The following MED12L variants were observed in gnomAD, a reference collection of about 807,000 sequenced individuals.
The protein encoded by MED12L is mediator complex subunit 12L.
In MED12L, 60 loss-of-function variants were observed where a neutral mutation model predicts 281.3. The ratio of observed to expected loss-of-function variants is 0.21; its 90% CI spans 0.17 to 0.26. The LOEUF is 0.26. Among genes scored for constraint, MED12L ranks in the 10% least tolerant of loss-of-function variants. The pLI is 1.00. For missense variants in MED12L, 2,146 were observed against 2,680.9 expected (o/e 0.80, Z 4.41); for synonymous variants, 974 against 987.2 (o/e 0.99, Z 0.25).
chr3:151,193,977 T>TTC (rs1724310045), intron 16 of MED12L, among the ~76,000 whole-genome samples: 1 of 150,046 alleles, frequency 6.7e-6, no homozygotes. Context: ...TTTTTTTTTT[T>TTC]TTTTTGAGAC....
intron 2 of MED12L, among the ~76,000 whole-genome samples, chr3:151,113,168 C>T (rs1249055385): frequency 6.6e-6 from 1 of 152,140 alleles, no homozygotes; most frequent in Non-Finnish European, 1.5e-5. Flanking sequence ...TCACATTTCT[C>T]ATTGAGAATG....
intron 7 of MED12L, 44 bp from the exon 8 acceptor site, chr3:151,159,788 A>T: frequency 6.5e-7 from 1 of 1,549,824 alleles, no homozygotes. Flanking sequence ...TTTAACCAAG[A>T]CGCATAAGAC....
Position 151,122,993 on chromosome 3 carries a change from A to G in MED12L, c.396+19A>G, listed in dbSNP as rs569171023. 3.3e-5 allele frequency: 51 copies of G among 1,566,920 alleles called. 3 individuals carry two copies. The highest frequency in any genetic ancestry group is 2.6e-4 in the Admixed American group (15 of 56,642). The stretch of plus-strand genomic sequence containing the variant: ...AAAAAAGGTATCAAATATTTCTTAC[A>G]TTGTTTTAGTTATGGTCTTATAATC... On this transcript the variant is annotated intron_variant, in intron 4 of 44. Coordinates refer to ENST00000687756, the MANE Select transcript of MED12L (RefSeq NM_001393769.1).
intron 39 of MED12L, among the ~76,000 whole-genome samples, chr3:151,396,469 T>C (rs1188925134): frequency 6.6e-6 from 1 of 151,998 alleles, no homozygotes; most frequent in Non-Finnish European, 1.5e-5. Flanking sequence ...CTCTACTAAA[T>C]ACAAAAATTA....
chr3:151,181,965 A>G (rs989414440), intron 11 of MED12L, among the ~76,000 whole-genome samples: 13 of 152,158 alleles, frequency 8.5e-5, no homozygotes, highest in African/African-American at 2.4e-5. Context: ...TTGCAATAAT[A>G]ACTCAGTGGA....
At chr3:151,333,411 T>C (rs1750572835) in intron 16 of MED12L, among the ~76,000 whole-genome samples, 1 of 152,196 alleles carries the variant, frequency 6.6e-6, no homozygotes, top group Non-Finnish European at 1.5e-5. Flanking sequence ...GTATCTGTTA[T>C]TTTTTGACTT....
chr3:151,151,257 T>G (rs1229863359), intron 5 of MED12L, among the ~76,000 whole-genome samples: 1 of 151,804 alleles, frequency 6.6e-6, no homozygotes, highest in East Asian at 1.9e-4. Flanking sequence ...CAGGATGGTC[T>G]CCATCTCCTG....
intron 13 of MED12L, 47 bp downstream of exon 13, chr3:151,188,527 ATT>A: frequency 6.9e-7 from 1 of 1,445,128 alleles, no homozygotes; most frequent in Non-Finnish European, 9.3e-7. Context: ...TAAGGGATTG[ATT>A]TTTTTTTTCT....
intron 19 of MED12L, 93 bp downstream of exon 19, chr3:151,356,132 G>T (rs1753886669): frequency 1.5e-6 from 2 of 1,310,400 alleles, no homozygotes; most frequent in South Asian, 3.0e-5. Context: ...GGGCACAGTG[G>T]CTTGTGCTTG....
intron 5 of MED12L, among the ~76,000 whole-genome samples, chr3:151,141,004 A>G (rs1338097055): frequency 6.6e-6 from 1 of 151,856 alleles, no homozygotes; most frequent in African/African-American, 2.4e-5. Context: ...AGTAGCTGGG[A>G]CTACAGGCAC....
At chr3:151,195,336 T>C (rs1441077336) in intron 16 of MED12L, among the ~76,000 whole-genome samples, 1 of 152,162 alleles carries the variant, frequency 6.6e-6, no homozygotes, top group Non-Finnish European at 1.5e-5. Flanking sequence ...ATTTTTTTCT[T>C]ATTACAGTTA....
intron 16 of MED12L, among the ~76,000 whole-genome samples, chr3:151,225,593 C>A (rs7649855): frequency 0.02 from 3,076 of 152,124 alleles, 88 homozygotes; most frequent in African/African-American, 0.07. Context: ...AATTTTGAAA[C>A]GGACACTCAA....
chr3:151,156,037 T>A, intron 5 of MED12L, 124 bp from the exon 6 acceptor site: 1 of 815,932 alleles, frequency 1.2e-6, no homozygotes, highest in East Asian at 2.9e-5. Context: ...GCACAGATCA[T>A]TTTTAGGGAG....
At chr3:151,198,562 C>T (rs139669117) in intron 16 of MED12L, 4 of 1,614,130 alleles carry the variant, frequency 2.5e-6, no homozygotes, top group Non-Finnish European at 3.4e-6. Context: ...ACAGGTTCGA[C>T]ACAGCCAGGA....
chr3:151,346,897 T>C (rs1284424006), intron 16 of MED12L, among the ~76,000 whole-genome samples: 1 of 152,166 alleles, frequency 6.6e-6, no homozygotes. Context: ...AATTCAAAAG[T>C]TCCCTGCTGT....
intron 2 of MED12L, among the ~76,000 whole-genome samples, chr3:151,091,100 A>C (rs1034750514): frequency 2.6e-5 from 4 of 152,300 alleles, no homozygotes; most frequent in African/African-American, 9.6e-5. Flanking sequence ...AAACATTTGA[A>C]GAGTAAATAT....
At chr3:151,331,081 G>T (rs1018888014) in intron 16 of MED12L, among the ~76,000 whole-genome samples, 2 of 152,304 alleles carry the variant, frequency 1.3e-5, no homozygotes, top group Non-Finnish European at 1.5e-5. Context: ...TCAAAACACT[G>T]AAGTGTGGGA....
At chr3:151,407,357 T>C (rs1716443878) in intron 39 of MED12L, among the ~76,000 whole-genome samples, 1 of 152,246 alleles carries the variant, frequency 6.6e-6, no homozygotes, top group African/African-American at 2.4e-5. Flanking sequence ...ACGAGTGTTA[T>C]AAACTACCTA....
At chr3:151,112,302 A>G (rs755438681) in intron 2 of MED12L, among the ~76,000 whole-genome samples, 4 of 139,320 alleles carry the variant, frequency 2.9e-5, no homozygotes, top group Non-Finnish European at 3.0e-5. Context: ...TTTTTTTGAG[A>G]TGGAGTCTCG....
Sources: allele counts gnomAD v4.1 joint callset (sites outside exome capture counted in the v4.1 genomes callset), GRCh38; gene constraint gnomAD v4.1.1; transcripts MANE v1.5; gene names NCBI Gene and HGNC (gene_info 2026-07-23, HGNC 2026-07-21).